Variants in CSRP1 observed in about 807,000 individuals in gnomAD.
CSRP1 encodes cysteine and glycine-rich protein 1.
A neutral mutation model predicts 25.4 loss-of-function variants in CSRP1; 16 were observed. That is an observed-to-expected ratio of 0.63 (90% CI 0.43 to 0.96). The LOEUF is 0.96. Among genes scored for constraint, CSRP1 ranks in the 40% least tolerant of loss-of-function variants. CSRP1 has a pLI of 0.00. For synonymous variants in CSRP1, 97 were observed against 95.3 expected, an observed-to-expected ratio of 1.02 and a Z score of -0.10; for missense variants, 212 against 243.6, an observed-to-expected ratio of 0.87 and a Z score of 0.86.
chr1:201,485,083 C>G (rs1248829948), intron 5 of CSRP1, among the ~76,000 whole-genome samples, 200 bp downstream of exon 5: 1 of 151,982 alleles, frequency 6.6e-6, no homozygotes, highest in Non-Finnish European at 1.5e-5. Flanking sequence ...ATGCCTGCCT[C>G]AATTTGCCAG....
chr1:201,488,764 G>A lies in CSRP1; in HGVS notation c.411+91C>T, dbSNP rs1417446707. ...AACCCCAGTGCTCAGGCTGCCCTGA[G>A]CAGAGCTAGGTCACCAATTTAAAAG... On this transcript the variant is annotated intron_variant, in intron 4 of 5. Transcript: ENST00000340006. 6.0e-6 allele frequency: 9 copies of A among 1,500,854 alleles called. No homozygotes were observed. The South Asian group carries it at 8.7e-5, about 14-fold the overall frequency. The allele number at this position is 1,500,854 out of a possible 1,614,324, so 93.0% of individuals were successfully genotyped here. A position where few individuals can be genotyped will look rare whatever the true frequency, so the allele number is the denominator to read the frequency against.
intron 2 of CSRP1, among the ~76,000 whole-genome samples, chr1:201,493,163 C>A (rs1239630234): frequency 6.6e-6 from 1 of 152,234 alleles, no homozygotes; most frequent in Non-Finnish European, 1.5e-5. Flanking sequence ...TAGGATCTGG[C>A]AGCCCCTTTC....
At chr1:201,486,217 G>T in intron 4 of CSRP1, 1 of 324,196 alleles carries the variant, frequency 3.1e-6, no homozygotes, top group South Asian at 1.2e-4. Context: ...AGGGCAAACA[G>T]CTGTCCCAGA....
chr1:201,488,266 AT>A (rs1328093084), intron 4 of CSRP1: 1 of 152,062 alleles, frequency 6.6e-6, no homozygotes, highest in Non-Finnish European at 1.5e-5. Context: ...TGCATTGGTG[AT>A]TGGGGGCTAC....
In CSRP1 at chr1:201,488,909, G is replaced by A. The variant is rs779726093; in HGVS notation, c.357C>T (p.Cys119=). Reference sequence around the variant, plus strand: ...CATAGACTGCCTGGCTGCATCGGGGGCAGCGCTCGGAGCCACCAATCTTCT... The same window carrying A: ...CATAGACTGCCTGGCTGCATCGGGGACAGCGCTCGGAGCCACCAATCTTCT... ...FAQKIGGSER[C]PRCSQAVYAA... The change falls in exon 4 of 6, where the codon TGC becomes TGT. Residue 119 remains cysteine, a synonymous_variant. Coordinates refer to ENST00000340006, the MANE Select transcript of CSRP1 (RefSeq NM_004078.3). The A allele has an allele frequency of 1.2e-6, 2 of 1,614,140 alleles. No homozygotes were observed. The highest frequency in any genetic ancestry group is 1.7e-6 in the Non-Finnish European group (2 of 1,180,022).
intron 1 of CSRP1, among the ~76,000 whole-genome samples, chr1:201,505,131 C>T (rs1239343142): frequency 6.6e-6 from 1 of 152,132 alleles, no homozygotes; most frequent in Non-Finnish European, 1.5e-5. Context: ...CCAAAAAAAA[C>T]CTACGCCTTT....
chr1:201,497,780 G>A (rs1664555588), intron 1 of CSRP1, among the ~76,000 whole-genome samples: 1 of 152,198 alleles, frequency 6.6e-6, no homozygotes, highest in East Asian at 1.9e-4. Context: ...GGGAGGCTGA[G>A]GTGGGCAGAT....
intron 1 of CSRP1, among the ~76,000 whole-genome samples, chr1:201,504,490 T>G (rs1664759906): frequency 6.6e-6 from 1 of 152,240 alleles, no homozygotes; most frequent in Non-Finnish European, 1.5e-5. Context: ...AAAGTCTTAT[T>G]CTCACTAGCA....
rs16848752 is a variant in CSRP1, at chr1:201,486,411, A to T, written c.412-1035T>A. On this transcript the variant is annotated intron_variant, in intron 4 of 5. Coordinates refer to ENST00000340006, the MANE Select transcript of CSRP1 (RefSeq NM_004078.3). ...GACAAAACAAGGCCTTTTAAGGGCAAAGACACTCCCAGTGCCCAGGCTGGT... is the reference window on the plus strand; with the variant it reads ...GACAAAACAAGGCCTTTTAAGGGCATAGACACTCCCAGTGCCCAGGCTGGT... The T allele has an allele frequency of 8.0e-3, 7,855 of 985,590 alleles. 284 individuals carry two copies. In the African/African-American group the frequency reaches 0.092, roughly 12 times the overall value. 61.1% of individuals were successfully genotyped at this position (985,590 alleles called of 1,614,324 possible).
chr1:201,490,487 G>A, intron 2 of CSRP1, 143 bp from the exon 3 acceptor site: 1 of 844,054 alleles, frequency 1.2e-6, no homozygotes, highest in South Asian at 1.8e-5. Context: ...TACAAATGGA[G>A]GCAGGCGGGA....
At position 201,495,201 on chromosome 1, in the gene CSRP1, C is replaced by T. The variant is rs1222858219; in HGVS notation, c.112+991G>A. Among the ~76,000 whole-genome samples the T allele has an allele frequency of 2.0e-5, 3 of 152,118 alleles. No homozygotes were observed. The East Asian group carries it at 5.8e-4, about 29-fold the overall frequency. ...GCTTAAACCCAGGAGCTCAACGCCA[C>T]CCTGGGTAATATAGGGAGACCCTGT... On this transcript the variant is annotated intron_variant, in intron 2 of 5. Transcript: ENST00000340006.
intron 1 of CSRP1, among the ~76,000 whole-genome samples, chr1:201,503,936 C>T (rs1664740207): frequency 1.3e-5 from 2 of 152,130 alleles, no homozygotes; most frequent in African/African-American, 4.8e-5. Flanking sequence ...TCAGGGGTCC[C>T]CTCTGCTCCT....
chr1:201,486,365 A>T (rs530997502), intron 4 of CSRP1: 14 of 985,424 alleles, frequency 1.4e-5, no homozygotes, highest in Non-Finnish European at 1.6e-5. Context: ...GAAAAGCAAG[A>T]GGCAGGCAGC....
chr1:201,484,021 T>A lies in CSRP1; in HGVS notation c.*692A>T, dbSNP rs1197315434. On this transcript the variant is annotated 3_prime_UTR_variant, in exon 6 of 6. Transcript: ENST00000340006. ...TCCTCCCATCAAGCAGGGAACTAGA[T>A]GTTTGAGAAGATCAAACAACATCCT... The A allele has an allele frequency of 8.6e-6, 6 of 697,992 alleles. No homozygotes were observed. Among genetic ancestry groups the A allele is most frequent in the Non-Finnish European group, 5.2e-6 (2 of 381,350 alleles). The allele number at this position is 697,992 out of a possible 1,614,324, so 43.2% of individuals were successfully genotyped here.
In CSRP1 at chr1:201,484,558, C is replaced by G. The variant is rs1472001220; in HGVS notation, c.*155G>C. 2 of 739,466 alleles carry G rather than the reference C, an allele frequency of 2.7e-6. No homozygotes were observed. The highest frequency in any genetic ancestry group is 5.5e-5 in the East Asian group (2 of 36,656). 45.8% of individuals were successfully genotyped at this position (739,466 alleles called of 1,614,324 possible). A position where few individuals can be genotyped will look rare whatever the true frequency, so the allele number is the denominator to read the frequency against. ...AGTGGGGTGGGACCTCAGGCAGACC[C>G]CCAAACCAAAGGGAGCCAGATGCCC... On this transcript the variant is annotated 3_prime_UTR_variant, in exon 6 of 6. Coordinates refer to ENST00000340006, the MANE Select transcript of CSRP1 (RefSeq NM_004078.3).
At chr1:201,497,982 C>T (rs1356920411) in intron 1 of CSRP1, among the ~76,000 whole-genome samples, 1 of 151,808 alleles carries the variant, frequency 6.6e-6, no homozygotes, top group Non-Finnish European at 1.5e-5. Context: ...TGCATTCCAG[C>T]CCGGACGACA....
At chr1:201,485,251 C>T (rs1664096866) in intron 5 of CSRP1, 32 bp downstream of exon 5, 2 of 1,607,180 alleles carry the variant, frequency 1.2e-6, no homozygotes, top group African/African-American at 1.3e-5. Context: ...CCTTGGGCCT[C>T]CTGACCCTCA....
At chr1:201,486,452 T>A in intron 4 of CSRP1, 1 of 985,508 alleles carries the variant, frequency 1.0e-6, no homozygotes, top group Non-Finnish European at 1.2e-6. Context: ...AGAAAGGAAA[T>A]TCATCCCCTC....
intron 1 of CSRP1, among the ~76,000 whole-genome samples, chr1:201,500,205 C>A (rs1048203300): frequency 5.3e-5 from 8 of 152,202 alleles, no homozygotes; most frequent in Non-Finnish European, 2.9e-5. Flanking sequence ...CCCCCTGAAC[C>A]AGCAGGGGAC....
Sources: allele counts gnomAD v4.1 joint callset (sites outside exome capture counted in the v4.1 genomes callset), GRCh38; gene constraint gnomAD v4.1.1; transcripts MANE v1.5; gene names NCBI Gene and HGNC (gene_info 2026-07-23, HGNC 2026-07-21).